The following GPR158 variants were observed in gnomAD, a reference collection of about 807,000 sequenced individuals.
GPR158 encodes metabotropic glycine receptor.
In GPR158, 30 loss-of-function variants were observed where a neutral mutation model predicts 78.2. The ratio of observed to expected loss-of-function variants is 0.38; its 90% CI spans 0.29 to 0.52. The LOEUF is 0.52. Among genes scored for constraint, GPR158 ranks in the 20% least tolerant of loss-of-function variants. The pLI, the probability that GPR158 is intolerant of heterozygous loss-of-function variation, is 0.83. For synonymous variants in GPR158, 581 were observed against 591.1 expected (o/e 0.98, Z 0.25); for missense variants, 1,463 against 1,523.5 (o/e 0.96, Z 0.66).
chr10:25,583,757 G>A (rs908066789), intron 7 of GPR158, among the ~76,000 whole-genome samples: 4 of 151,976 alleles, frequency 2.6e-5, no homozygotes, highest in Admixed American at 1.3e-4. Flanking sequence ...AAACCTAAAC[G>A]TTTTATCATT....
At chr10:25,481,026 G>C (rs1835658205) in intron 5 of GPR158, among the ~76,000 whole-genome samples, 1 of 152,164 alleles carries the variant, frequency 6.6e-6, no homozygotes, top group Admixed American at 6.5e-5. Flanking sequence ...GTGTCAGTCA[G>C]TCAGACACAT....
At chr10:25,348,786 G>T (rs1855412492) in intron 2 of GPR158, among the ~76,000 whole-genome samples, 2 of 151,964 alleles carry the variant, frequency 1.3e-5, no homozygotes, top group African/African-American at 4.8e-5. Context: ...CTAGTATGTG[G>T]CATGTGAAAA....
chr10:25,405,498 C>CT (rs59695469), intron 3 of GPR158, among the ~76,000 whole-genome samples: 1,463 of 45,562 alleles, frequency 0.032, 346 homozygotes, highest in East Asian at 0.096. Context: ...AAACAATTTC[C>CT]TTTTTTTTTT....
chr10:25,391,530 T>G (rs886624613), intron 2 of GPR158, among the ~76,000 whole-genome samples: 1 of 152,232 alleles, frequency 6.6e-6, no homozygotes, highest in Non-Finnish European at 1.5e-5. Flanking sequence ...CTGCTGGATT[T>G]TAGACTTTCA....
At chr10:25,548,919 A>G (rs964989666) in intron 5 of GPR158, among the ~76,000 whole-genome samples, 2 of 152,190 alleles carry the variant, frequency 1.3e-5, no homozygotes, top group African/African-American at 4.8e-5. Flanking sequence ...TGTGAAATAA[A>G]AAGTTTGAAG....
At chr10:25,521,142 C>G (rs1015131276) in intron 5 of GPR158, among the ~76,000 whole-genome samples, 2 of 152,250 alleles carry the variant, frequency 1.3e-5, no homozygotes, top group African/African-American at 4.8e-5. Context: ...GTGCATCCGT[C>G]ACCCCTTTCT....
At chr10:25,528,327 A>C (rs1564480532) in intron 5 of GPR158, among the ~76,000 whole-genome samples, 1 of 151,990 alleles carries the variant, frequency 6.6e-6, no homozygotes, top group Non-Finnish European at 1.5e-5. Flanking sequence ...TTGGATCTAT[A>C]TATATATAGA....
At chr10:25,244,181 CAA>C (rs1472455637) in intron 2 of GPR158, 1 of 152,136 alleles carries the variant, frequency 6.6e-6, no homozygotes, top group Non-Finnish European at 1.5e-5. Flanking sequence ...GGTTAATAAT[CAA>C]AAGACTAGTA....
chr10:25,310,650 G>A (rs940483994), intron 2 of GPR158, among the ~76,000 whole-genome samples: 16 of 151,764 alleles, frequency 1.1e-4, no homozygotes, highest in Middle Eastern at 3.4e-3. Flanking sequence ...TTATCTGTGA[G>A]AAAGTTGCAA....
chr10:25,394,819 A>G (rs1295005703), intron 2 of GPR158, among the ~76,000 whole-genome samples: 2 of 152,144 alleles, frequency 1.3e-5, no homozygotes, highest in Non-Finnish European at 2.9e-5. Flanking sequence ...TTTTTGTGAT[A>G]TGTAATATTG....
chr10:25,381,166 T>G (rs1834149209), intron 2 of GPR158, among the ~76,000 whole-genome samples: 1 of 152,114 alleles, frequency 6.6e-6, no homozygotes, highest in African/African-American at 2.4e-5. Context: ...AAAGAAGTGT[T>G]TCATGAAAGA....
intron 2 of GPR158, among the ~76,000 whole-genome samples, chr10:25,349,251 A>G (rs995977902): frequency 6.6e-6 from 1 of 151,688 alleles, no homozygotes; most frequent in Admixed American, 6.6e-5. Context: ...CTGTTGTCTC[A>G]CCTCCTTTCC....
At position 25,468,682 on chromosome 10, in the gene GPR158, C is replaced by T. The variant is rs182666978; in HGVS notation, c.1404+1963C>T. On this transcript the variant is annotated intron_variant, in intron 5 of 10. Transcript: ENST00000376351. ...TAGTGGCTTAGGTAATCATAGTGGA[C>T]GCTAGCATACCAGTAACATGTCTGA... Among the ~76,000 whole-genome samples the T allele has an allele frequency of 1.2e-4, 19 of 152,254 alleles. No individual in the cohort carries two copies. The East Asian group carries it at 3.1e-3, about 25-fold the overall frequency.
chr10:25,585,203 C>T (rs1837251663), intron 7 of GPR158, among the ~76,000 whole-genome samples: 1 of 152,202 alleles, frequency 6.6e-6, no homozygotes, highest in African/African-American at 2.4e-5. Flanking sequence ...CTTTAACAGG[C>T]CCTGCAATGT....
intron 1 of GPR158, among the ~76,000 whole-genome samples, chr10:25,189,947 C>A (rs528953570): frequency 1.0e-3 from 155 of 149,822 alleles, no homozygotes; most frequent in Non-Finnish European, 1.7e-3. Context: ...GGAAAGGGAA[C>A]AAATGAAGAT....
Position 25,176,298 on chromosome 10 carries a change from A to T in GPR158, c.878A>T (p.Gln293Leu). Reference sequence around the variant, plus strand: ...CTTTCCTCTGCCATCTACGGGTTGCAGCCTAACCTGGTCCCGGAATTCAGG... The same window carrying T: ...CTTTCCTCTGCCATCTACGGGTTGCTGCCTAACCTGGTCCCGGAATTCAGG... ...VTLSSAIYGL[Q>L]PNLVPEFRGV... Residue 293 changes from glutamine (Q) to leucine (L), a missense_variant, in exon 1 of 11, where the codon CAG becomes CTG. By Grantham distance (113) the Gln-to-Leu change is moderately radical. Transcript: ENST00000376351. This position sits in a 1 kb window ranked among gnomAD's most constrained non-coding sequence, Gnocchi z 6.3. The T allele has an allele frequency of 1.9e-6, 3 of 1,590,112 alleles. No homozygotes were observed. The highest frequency in any genetic ancestry group is 2.6e-6 in the Non-Finnish European group (3 of 1,167,966).
chr10:25,261,745 G>T, intron 2 of GPR158, among the ~76,000 whole-genome samples: 1 of 152,212 alleles, frequency 6.6e-6, no homozygotes, highest in Middle Eastern at 3.4e-3. Flanking sequence ...AATGATCTAC[G>T]CTTTTAACCA....
chr10:25,216,098 T>A (rs1853208645), intron 1 of GPR158, among the ~76,000 whole-genome samples: 1 of 152,216 alleles, frequency 6.6e-6, no homozygotes, highest in Non-Finnish European at 1.5e-5. Context: ...GAGGCCCTTT[T>A]AGCTTTTGCT....
intron 1 of GPR158, among the ~76,000 whole-genome samples, chr10:25,187,901 A>C (rs1240058046): frequency 6.6e-6 from 1 of 152,142 alleles, no homozygotes; most frequent in Non-Finnish European, 1.5e-5. Context: ...CTCAGCCCAA[A>C]ATCTCCGTAA....
Sources: allele counts gnomAD v4.1 joint callset (sites outside exome capture counted in the v4.1 genomes callset), GRCh38; gene constraint gnomAD v4.1.1; non-coding constraint Gnocchi (gnomAD v3.1); transcripts MANE v1.5; gene names NCBI Gene and HGNC (gene_info 2026-07-23, HGNC 2026-07-21).